Variants in ANKRD17 observed in about 807,000 individuals in gnomAD.
The protein encoded by ANKRD17 is ankyrin repeat domain 17.
ANKRD17 carries 19 observed loss-of-function variants against 229.7 expected under a neutral mutation model. That is an observed-to-expected ratio of 0.08 (90% confidence interval 0.06 to 0.12). ANKRD17 has a LOEUF of 0.12. Ranked by LOEUF, ANKRD17 falls within the 10% of genes least tolerant of loss-of-function variation. ANKRD17 has a pLI of 1.00. For synonymous variants in ANKRD17, 1,112 were observed against 1,146.1 expected (o/e 0.97, Z 0.60); for missense variants, 2,176 against 3,176.8 (o/e 0.68, Z 7.57).
chr4:73,247,458 A>T (rs1744601073), intron 1 of ANKRD17, among the ~76,000 whole-genome samples: 1 of 152,096 alleles, frequency 6.6e-6, no homozygotes, highest in Non-Finnish European at 1.5e-5. Context: ...AAACAATCTA[A>T]ATGTCTACCA....
chr4:73,160,532 T>C (rs1013645250), intron 3 of ANKRD17, among the ~76,000 whole-genome samples: 2 of 152,154 alleles, frequency 1.3e-5, no homozygotes, highest in African/African-American at 4.8e-5. Flanking sequence ...TTTTTCAATA[T>C]ACATCCATAA....
chr4:73,186,519 G>C (rs1736315624), intron 1 of ANKRD17, among the ~76,000 whole-genome samples: 1 of 151,960 alleles, frequency 6.6e-6, no homozygotes, highest in South Asian at 2.1e-4. Context: ...ATTCATACTT[G>C]TCTATCAATT....
chr4:73,158,700 T>C (rs988912179), intron 3 of ANKRD17, among the ~76,000 whole-genome samples: 4 of 152,250 alleles, frequency 2.6e-5, no homozygotes, highest in African/African-American at 9.6e-5. Context: ...TTTGTCTTCA[T>C]GAATCGGTTA....
intron 1 of ANKRD17, among the ~76,000 whole-genome samples, chr4:73,251,763 G>T (rs188316896): frequency 2.0e-3 from 302 of 152,142 alleles, no homozygotes; most frequent in African/African-American, 7.0e-3. Context: ...TAAAAATTCA[G>T]ATAAACTACT....
chr4:73,165,666 G>T (rs762312879), intron 2 of ANKRD17, among the ~76,000 whole-genome samples: 1 of 152,288 alleles, frequency 6.6e-6, no homozygotes, highest in East Asian at 1.9e-4. Context: ...TAAAGACAGC[G>T]AGGTTATCCT....
intron 8 of ANKRD17, 140 bp from the exon 9 acceptor site, chr4:73,147,572 T>A (rs1730448794): frequency 1.5e-6 from 1 of 681,916 alleles, no homozygotes; most frequent in Non-Finnish European, 2.1e-6. Flanking sequence ...GCCTCTCTCC[T>A]AACTCCTAAG....
intron 1 of ANKRD17, among the ~76,000 whole-genome samples, chr4:73,229,570 A>T (rs578201955): frequency 9.2e-5 from 14 of 151,944 alleles, no homozygotes; most frequent in African/African-American, 2.6e-4. Flanking sequence ...AAAAACACAT[A>T]AATTCTCCAA....
intron 2 of ANKRD17, among the ~76,000 whole-genome samples, chr4:73,170,721 T>C (rs1206441049): frequency 6.6e-6 from 1 of 152,122 alleles, no homozygotes; most frequent in Non-Finnish European, 1.5e-5. Context: ...TAACTGCACA[T>C]TGGCGGTAGC....
intron 8 of ANKRD17, among the ~76,000 whole-genome samples, chr4:73,147,926 G>T (rs552226900): frequency 6.6e-6 from 1 of 152,174 alleles, no homozygotes; most frequent in Non-Finnish European, 1.5e-5. Context: ...CAACATTATT[G>T]TCATCAATAC....
Position 73,125,181 on chromosome 4 carries a change from A to G in ANKRD17, c.3346+20T>C. The G allele has an allele frequency of 6.3e-7, 1 of 1,593,104 alleles. No homozygotes were observed. ...TTTTTTGACCAGTATTCCAAAAAAT[A>G]AAACAAAAGTAGGCCCTACCTTTCT... On this transcript the variant is annotated intron_variant, in intron 17 of 33. Coordinates refer to ENST00000358602, the MANE Select transcript of ANKRD17 (RefSeq NM_032217.5).
intron 1 of ANKRD17, among the ~76,000 whole-genome samples, chr4:73,214,227 G>C (rs1740699828): frequency 1.3e-5 from 2 of 152,082 alleles, no homozygotes; most frequent in African/African-American, 2.4e-5. Context: ...TGACCTACAG[G>C]GTGTGTCAAA....
chr4:73,147,384 G>A lies in ANKRD17; in HGVS notation c.1616C>T (p.Thr539Ile). 6.2e-7 allele frequency: 1 copy of A among 1,601,146 alleles called. No individual in the cohort carries two copies. The change falls in exon 9 of 34, where the codon ACT becomes ATT. Residue 539 changes from threonine (T) to isoleucine (I), a missense_variant. This residue lies in a region of ANKRD17 where 275 missense variants were observed against 386.9 expected (regional missense o/e 0.71). Coordinates refer to ENST00000358602, the MANE Select transcript of ANKRD17 (RefSeq NM_032217.5). ...QTEETQETAL[T>I]LACCGGFLEV... ...CAGAAAGCCTCCACAGCAAGCCAGA[G>A]TCAAGGCAGTTTCTTGAGTTTCTTC...
chr4:73,120,825 T>C (rs929486687), intron 20 of ANKRD17, 56 bp downstream of exon 20: 4 of 1,480,110 alleles, frequency 2.7e-6, no homozygotes, highest in African/African-American at 2.8e-5. Context: ...GTTGCTACTA[T>C]ATATCTTAAA....
chr4:73,155,783 T>G lies in ANKRD17; in HGVS notation c.853-5A>C. ...TGCATGCATTGCCAACAAAACCTTA[T>G]GAGAGAAAAATAGTTTAAAAAGATA... On this transcript the variant is annotated splice_polypyrimidine_tract_variant and splice_region_variant and intron_variant, in intron 4 of 33. Coordinates refer to ENST00000358602, the MANE Select transcript of ANKRD17 (RefSeq NM_032217.5). 2 of 1,612,562 alleles carry G rather than the reference T, an allele frequency of 1.2e-6. No individual in the cohort carries two copies. The highest frequency in any genetic ancestry group is 1.7e-6 in the Non-Finnish European group (2 of 1,179,242).
chr4:73,091,400 T>A lies in ANKRD17; in HGVS notation c.6228A>T (p.Glu2076Asp). ...ASPNKVASSS[E>D]QEAGSPPVVE... ...CTACTGGTGGACTACCTGCTTCCTG[T>A]TCGGAGGAAGATGCCACTTTATTTG... Residue 2076 changes from glutamate (E) to aspartate (D), a missense_variant, in exon 29 of 34, where the codon GAA becomes GAT. Around this residue, in one of 18 missense-constraint regions of ANKRD17, gnomAD observed 424 missense variants for 454.0 expected, o/e 0.93. Transcript: ENST00000358602. 1 of 1,614,182 alleles carries A rather than the reference T, an allele frequency of 6.2e-7. No homozygotes were observed. The highest frequency in any genetic ancestry group is 8.5e-7 in the Non-Finnish European group (1 of 1,180,042).
At position 73,090,745 on chromosome 4, in the gene ANKRD17, C is replaced by G. The variant is rs1306240177; in HGVS notation, c.6883G>C (p.Asp2295His). Residue 2295 changes from aspartate to histidine, a missense_variant, in exon 29 of 34, where the codon GAT becomes CAT. Asp to His is a moderately conservative substitution (Grantham distance 81). Around this residue, in one of 18 missense-constraint regions of ANKRD17, gnomAD observed 424 missense variants for 454.0 expected, o/e 0.93. Coordinates refer to ENST00000358602, the MANE Select transcript of ANKRD17 (RefSeq NM_032217.5). ...GAAGTATCAGACTGATGTAAAGGAT[C>G]TGAATTTGGCAAATATGAGGATTTT... ...SGKSSYLPNS[D>H]PLHQSDTSKA... The G allele has an allele frequency of 6.2e-7, 1 of 1,614,026 alleles. No homozygotes were observed. The highest frequency in any genetic ancestry group is 8.5e-7 in the Non-Finnish European group (1 of 1,180,046).
rs971507779 is a variant in ANKRD17, at chr4:73,091,986, A to G, written c.5642T>C (p.Leu1881Pro). Residue 1881 changes from leucine to proline, a missense_variant, in exon 29 of 34, where the codon CTT becomes CCT. Physicochemically the swap from Leu to Pro is moderately conservative, Grantham distance 98. Transcript: ENST00000358602. ...CTGTGGAGGAGGATATGCTAATGGA[A>G]GAGAAACTGGAAAACCAGGCCTCAC... The part of the protein sequence containing the change: ...NNVRPGFPVS[L>P]PLAYPPPQFA... 6.2e-7 allele frequency: 1 copy of G among 1,614,110 alleles called. No individual in the cohort carries two copies. The highest frequency in any genetic ancestry group is 1.3e-5 in the African/African-American group (1 of 74,942).
chr4:73,237,845 C>G (rs1743647774), intron 1 of ANKRD17, among the ~76,000 whole-genome samples: 1 of 152,096 alleles, frequency 6.6e-6, no homozygotes, highest in East Asian at 1.9e-4. Context: ...TTTAAGTTCT[C>G]AAGGAATTTA....
chr4:73,209,239 A>T lies in ANKRD17; in HGVS notation c.394-31706T>A, dbSNP rs1739932798. 2.0e-5 allele frequency among the ~76,000 whole-genome samples: 3 copies of T among 152,172 alleles called. No individual in the cohort carries two copies. In the South Asian group the frequency reaches 6.2e-4, roughly 32 times the overall value. On this transcript the variant is annotated intron_variant, in intron 1 of 33. Transcript: ENST00000358602. The stretch of plus-strand genomic sequence containing the variant: ...AAAACAAAACAAAACAAAGAAAAAC[A>T]AAATAGAAAATAATCAGTGACACAA...
Sources: gnomAD v4.1 joint callset for allele counts (sites outside exome capture counted in the v4.1 genomes callset) on GRCh38, gnomAD v4.1.1 for gene constraint, gnomAD v4.1.1 regional missense constraint, MANE v1.5 for transcripts, NCBI Gene and HGNC (gene_info 2026-07-23, HGNC 2026-07-21) for gene names.